FCHSD2: variants seen among roughly 807,000 people sequenced by gnomAD.
FCHSD2 encodes the protein F-BAR and double SH3 domains protein 2.
Under a neutral mutation model 108.1 loss-of-function variants are expected in FCHSD2, and 38 were observed. That is an observed-to-expected ratio of 0.35 (90% CI 0.27 to 0.46). FCHSD2 has a LOEUF of 0.46. Ranked by LOEUF, FCHSD2 falls within the 20% of genes least tolerant of loss-of-function variation. The pLI is 1.00. For missense variants in FCHSD2, 751 were observed against 897.8 expected (o/e 0.84, Z 2.09); for synonymous variants, 279 against 314.7 (o/e 0.89, Z 1.20).
chr11:72,914,053 C>T (rs116245253), intron 9 of FCHSD2, among the ~76,000 whole-genome samples: 27 of 152,110 alleles, frequency 1.8e-4, no homozygotes, highest in East Asian at 9.6e-4. Flanking sequence ...GTCTCACTGT[C>T]GCCCAGGCTA....
chr11:72,953,572 T>C (rs1856656239), intron 8 of FCHSD2, among the ~76,000 whole-genome samples: 1 of 151,790 alleles, frequency 6.6e-6, no homozygotes, highest in African/African-American at 2.4e-5. Flanking sequence ...AAAATATTTA[T>C]CAAGAGTCTA....
intron 4 of FCHSD2, among the ~76,000 whole-genome samples, chr11:73,003,982 C>G (rs1003406819): frequency 6.6e-6 from 1 of 151,084 alleles, no homozygotes; most frequent in Non-Finnish European, 1.5e-5. Flanking sequence ...TGGCTGGCAC[C>G]TGTAACCCCA....
chr11:72,962,872 A>G (rs1856842708), intron 8 of FCHSD2, among the ~76,000 whole-genome samples: 1 of 152,202 alleles, frequency 6.6e-6, no homozygotes, highest in South Asian at 2.1e-4. Flanking sequence ...TGATTTCAGC[A>G]GGCATCAGTG....
chr11:73,137,866 G>T (rs576235341), intron 2 of FCHSD2, among the ~76,000 whole-genome samples: 1 of 152,350 alleles, frequency 6.6e-6, no homozygotes, highest in East Asian at 1.9e-4. Flanking sequence ...AGGAAAGGAA[G>T]CTTGCAGCTG....
intron 12 of FCHSD2, among the ~76,000 whole-genome samples, chr11:72,870,999 A>G (rs1854845254): frequency 6.6e-6 from 1 of 152,074 alleles, no homozygotes; most frequent in African/African-American, 2.4e-5. Context: ...CTTTTAAACT[A>G]CATTTATGAT....
intron 9 of FCHSD2, among the ~76,000 whole-genome samples, chr11:72,921,604 C>T (rs1465236721): frequency 1.3e-5 from 2 of 152,216 alleles, no homozygotes; most frequent in Non-Finnish European, 2.9e-5. Context: ...ATGTTCTAAG[C>T]TACCTTGTAT....
chr11:73,113,494 G>A lies in FCHSD2; in HGVS notation c.119+26537C>T, dbSNP rs111941738. Among the ~76,000 whole-genome samples, 1,123 of 149,866 alleles carry A rather than the reference G, an allele frequency of 7.5e-3. 4 individuals carry two copies. The highest frequency in any genetic ancestry group is 0.012 in the Non-Finnish European group (822 of 67,554). ...AGTGATCCTCCCACCTCAGCCTCCTGAGTAGCTGGGACTACAAGCATGTGC... is the reference window on the plus strand; with the variant it reads ...AGTGATCCTCCCACCTCAGCCTCCTAAGTAGCTGGGACTACAAGCATGTGC... On this transcript the variant is annotated intron_variant, in intron 2 of 19. Coordinates refer to ENST00000409418, the MANE Select transcript of FCHSD2 (RefSeq NM_014824.3).
intron 8 of FCHSD2, among the ~76,000 whole-genome samples, chr11:72,924,546 T>C (rs989989318): frequency 3.3e-5 from 5 of 151,872 alleles, no homozygotes; most frequent in Non-Finnish European, 7.4e-5. Flanking sequence ...CCTCCCAAAG[T>C]GCTGGGATTA....
chr11:72,910,557 G>A (rs1270599148), intron 9 of FCHSD2, among the ~76,000 whole-genome samples: 2 of 152,112 alleles, frequency 1.3e-5, no homozygotes, highest in African/African-American at 4.8e-5. Flanking sequence ...CATGTGCTCT[G>A]TCAACTCAGG....
Position 72,843,540 on chromosome 11 carries a change from G to A in FCHSD2, c.1444-8C>T. ...CTCATCTGGTTGAGAAGCCTGCAGT[G>A]TAGGATGGTCATGGACAAAATTAAA... On this transcript the variant is annotated splice_region_variant and splice_polypyrimidine_tract_variant and intron_variant, in intron 14 of 19. Coordinates refer to ENST00000409418, the MANE Select transcript of FCHSD2 (RefSeq NM_014824.3). The A allele has an allele frequency of 6.2e-7, 1 of 1,608,954 alleles. No homozygotes were observed. The highest frequency in any genetic ancestry group is 1.3e-5 in the African/African-American group (1 of 74,940).
intron 8 of FCHSD2, among the ~76,000 whole-genome samples, chr11:72,983,032 T>C (rs948561324): frequency 1.8e-4 from 27 of 152,124 alleles, no homozygotes; most frequent in African/African-American, 4.8e-4. Context: ...CGGTGGCTCA[T>C]GCCTGTAATC....
intron 2 of FCHSD2, among the ~76,000 whole-genome samples, chr11:73,129,913 C>T (rs1860954041): frequency 1.4e-5 from 2 of 141,808 alleles, no homozygotes; most frequent in Non-Finnish European, 1.5e-5. Flanking sequence ...CTCGCTCTGT[C>T]GCCCAGGCTG....
chr11:73,128,707 C>T (rs373926714), intron 2 of FCHSD2, among the ~76,000 whole-genome samples: 23 of 152,196 alleles, frequency 1.5e-4, no homozygotes, highest in South Asian at 1.0e-3. Flanking sequence ...CCAGCAATCA[C>T]GAGGAGAATC....
intron 4 of FCHSD2, among the ~76,000 whole-genome samples, chr11:73,004,917 C>A (rs1400651096): frequency 6.6e-6 from 1 of 152,202 alleles, no homozygotes; most frequent in East Asian, 1.9e-4. Flanking sequence ...GTGGCACTAT[C>A]AGAAGGCAAT....
At chr11:72,930,824 G>A (rs1443921112) in intron 8 of FCHSD2, among the ~76,000 whole-genome samples, 1 of 152,100 alleles carries the variant, frequency 6.6e-6, no homozygotes, top group Non-Finnish European at 1.5e-5. Flanking sequence ...TTGAGGAGGA[G>A]GTAGGGATGG....
chr11:73,088,390 G>A (rs1565404372), intron 2 of FCHSD2, among the ~76,000 whole-genome samples: 3 of 152,138 alleles, frequency 2.0e-5, no homozygotes, highest in East Asian at 1.9e-4. Flanking sequence ...ACACAATGAC[G>A]AAATTGCCTA....
intron 4 of FCHSD2, among the ~76,000 whole-genome samples, chr11:73,012,804 T>C (rs1197950658): frequency 6.6e-6 from 1 of 152,238 alleles, no homozygotes; most frequent in East Asian, 1.9e-4. Context: ...GAAAACTGTT[T>C]ATATATGTAA....
At chr11:72,839,783 G>A (rs928034027) in intron 19 of FCHSD2, among the ~76,000 whole-genome samples, 6 of 152,140 alleles carry the variant, frequency 3.9e-5, no homozygotes, top group Non-Finnish European at 7.3e-5. Context: ...AGAAGAGATC[G>A]GATTGGCAGT....
At chr11:73,124,755 CAA>C (rs1356819457) in intron 2 of FCHSD2, among the ~76,000 whole-genome samples, 11 of 120,842 alleles carry the variant, frequency 9.1e-5, no homozygotes, top group Non-Finnish European at 1.1e-4. Flanking sequence ...GACTCTGTCT[CAA>C]AAAAAAAAAA....
Sources: allele counts gnomAD v4.1 joint callset (sites outside exome capture counted in the v4.1 genomes callset), GRCh38; gene constraint gnomAD v4.1.1; transcripts MANE v1.5; gene names NCBI Gene and HGNC (gene_info 2026-07-23, HGNC 2026-07-21).